POMK: variants seen among roughly 807,000 people sequenced by gnomAD.
POMK encodes protein O-mannose kinase, also known as Sugen kinase 196.
A neutral mutation model predicts 23.0 loss-of-function variants in POMK; 19 were observed. The ratio of observed to expected loss-of-function variants is 0.83; its 90% confidence interval spans 0.58 to 1.21. The LOEUF is 1.21. Ranked by LOEUF, POMK falls within the 50% of genes most tolerant of loss-of-function variation. The pLI, the probability that POMK is intolerant of heterozygous loss-of-function variation, is 0.00. For synonymous variants in POMK, 173 were observed against 171.6 expected, an observed-to-expected ratio of 1.01 and a Z score of -0.06; for missense variants, 410 against 431.3, an observed-to-expected ratio of 0.95 and a Z score of 0.44.
intron 4 of POMK, among the ~76,000 whole-genome samples, chr8:43,119,365 T>C (rs1406902050): frequency 6.6e-6 from 1 of 151,830 alleles, no homozygotes. Context: ...ACTTTTAGAA[T>C]GTGGTCTTAT....
intron 4 of POMK, among the ~76,000 whole-genome samples, chr8:43,109,638 G>C (rs1254302402): frequency 2.6e-5 from 4 of 152,024 alleles, no homozygotes; most frequent in African/African-American, 9.7e-5. Context: ...CATCTCCTGG[G>C]TTCAAGTGAT....
rs1051939475 is a variant in POMK at position 43,118,827 on chromosome 8, G to A, written c.283-3280G>A. ...CTGTTTTTTTTGTTGTTGTTGTTAC[G>A]GAGTCTCGCTCTGTTGCCCAGGCTG... On this transcript the variant is annotated intron_variant, in intron 4 of 4. Coordinates refer to ENST00000331373, the MANE Select transcript of POMK (RefSeq NM_032237.5). Among the ~76,000 whole-genome samples the A allele has an allele frequency of 5.3e-5, 8 of 152,042 alleles. No homozygotes were observed. The East Asian group carries it at 5.8e-4, about 11-fold the overall frequency.
chr8:43,121,143 T>C (rs1215186733), intron 4 of POMK, among the ~76,000 whole-genome samples: 1 of 152,228 alleles, frequency 6.6e-6, no homozygotes, highest in Non-Finnish European at 1.5e-5. Flanking sequence ...GATTTAGATG[T>C]TAGAGTCTCT....
intron 2 of POMK, among the ~76,000 whole-genome samples, chr8:43,101,433 A>AG (rs1563336300): frequency 6.6e-6 from 1 of 151,706 alleles, no homozygotes; most frequent in African/African-American, 2.4e-5. Context: ...AAAAAAAAAA[A>AG]AAAAGGAAGA....
At chr8:43,118,295 A>C (rs961285415) in intron 4 of POMK, among the ~76,000 whole-genome samples, 1 of 152,220 alleles carries the variant, frequency 6.6e-6, no homozygotes, top group African/African-American at 2.4e-5. Context: ...TAAATGAAAA[A>C]AGAGCTGCAA....
At chr8:43,115,068 T>G (rs1437413840) in intron 4 of POMK, among the ~76,000 whole-genome samples, 1 of 152,246 alleles carries the variant, frequency 6.6e-6, no homozygotes, top group Non-Finnish European at 1.5e-5. Flanking sequence ...ATTTTGTAGC[T>G]CTCATTTTGT....
intron 4 of POMK, among the ~76,000 whole-genome samples, chr8:43,115,333 G>A (rs567132033): frequency 6.6e-6 from 1 of 152,244 alleles, no homozygotes; most frequent in South Asian, 2.1e-4. Context: ...CTTCCCTGAA[G>A]TTTTCTATAC....
At chr8:43,100,660 G>A (rs1195914130) in intron 2 of POMK, among the ~76,000 whole-genome samples, 3 of 152,000 alleles carry the variant, frequency 2.0e-5, no homozygotes. Flanking sequence ...TGGGTAGTTG[G>A]AGCCCAGTGC....
In POMK at chr8:43,103,845, A is replaced by G; in HGVS notation, c.282+15A>G. The stretch of plus-strand genomic sequence containing the variant: ...CTGTAAAGAGAGTGAGTCCGGGTTC[A>G]TTTGCGATTGCTGTCATCCTGTTAT... On this transcript the variant is annotated intron_variant, in intron 4 of 4. Coordinates refer to ENST00000331373, the MANE Select transcript of POMK (RefSeq NM_032237.5). 1.2e-6 allele frequency: 2 copies of G among 1,612,650 alleles called. No homozygotes were observed. The highest frequency in any genetic ancestry group is 1.7e-6 in the Non-Finnish European group (2 of 1,178,822).
At position 43,102,225 on chromosome 8, in the gene POMK, C is replaced by T. The variant is rs76831112; in HGVS notation, c.-117-280C>T. On this transcript the variant is annotated intron_variant, in intron 2 of 4. Coordinates refer to ENST00000331373, the MANE Select transcript of POMK (RefSeq NM_032237.5). Reference sequence around the variant, plus strand: ...CACTGTGTGTGAATGTCTCCAGCACCCACTGCAGGGCTGGGCACATAGAAG... The same window carrying T: ...CACTGTGTGTGAATGTCTCCAGCACTCACTGCAGGGCTGGGCACATAGAAG... Among the ~76,000 whole-genome samples the T allele has an allele frequency of 1.7e-3, 262 of 152,324 alleles. 5 individuals are homozygous for T. The East Asian group carries it at 0.025, about 14-fold the overall frequency.
intron 4 of POMK, among the ~76,000 whole-genome samples, chr8:43,120,047 A>G (rs902047947): frequency 8.1e-5 from 12 of 148,728 alleles, no homozygotes; most frequent in African/African-American, 3.1e-4. Context: ...AAATACCAAA[A>G]GATATGAAGG....
intron 4 of POMK, among the ~76,000 whole-genome samples, chr8:43,109,579 G>C (rs945995124): frequency 1.3e-5 from 2 of 151,348 alleles, no homozygotes; most frequent in Admixed American, 6.6e-5. Flanking sequence ...GTCTCTCTCT[G>C]TTGCCCAGGC....
chr8:43,123,165 T>G lies in POMK; in HGVS notation c.*288T>G, dbSNP rs1234719994. The G allele has an allele frequency of 3.7e-6, 1 of 269,816 alleles. No homozygotes were observed. Among genetic ancestry groups the G allele is most frequent in the East Asian group, 7.8e-5 (1 of 12,862 alleles). 16.7% of individuals were successfully genotyped at this position (269,816 alleles called of 1,614,324 possible). On this transcript the variant is annotated 3_prime_UTR_variant, in exon 5 of 5. Transcript: ENST00000331373. ...TCTGCCTCCCAGGTTCAAGCAATTC[T>G]CCCACCTCAGCCTCCTGAGTAGCTG...
chr8:43,111,420 T>C (rs1210488874), intron 4 of POMK, among the ~76,000 whole-genome samples: 6 of 152,174 alleles, frequency 3.9e-5, no homozygotes, highest in African/African-American at 1.4e-4. Context: ...ACAAAGCAGC[T>C]GGGAAGCTCA....
chr8:43,095,804 C>G (rs985992600), intron 1 of POMK, among the ~76,000 whole-genome samples: 5 of 152,208 alleles, frequency 3.3e-5, no homozygotes, highest in African/African-American at 1.2e-4. Flanking sequence ...GTATAAGCTT[C>G]AGGCCCCATA....
At chr8:43,117,850 T>A (rs1424777052) in intron 4 of POMK, among the ~76,000 whole-genome samples, 1 of 152,204 alleles carries the variant, frequency 6.6e-6, no homozygotes, top group Non-Finnish European at 1.5e-5. Flanking sequence ...GCACAGACTT[T>A]GGAGGGTAAT....
chr8:43,110,488 T>C (rs1196555540), intron 4 of POMK, among the ~76,000 whole-genome samples: 1 of 152,280 alleles, frequency 6.6e-6, no homozygotes. Flanking sequence ...ATAAATTGCC[T>C]TTTCATGAAT....
chr8:43,114,160 A>T (rs1430540614), intron 4 of POMK, among the ~76,000 whole-genome samples: 20 of 152,336 alleles, frequency 1.3e-4, no homozygotes, highest in South Asian at 2.1e-4. Flanking sequence ...GGGACATTTA[A>T]GTCTGCAGAG....
chr8:43,113,701 T>G (rs1811731299), intron 4 of POMK, among the ~76,000 whole-genome samples: 1 of 152,244 alleles, frequency 6.6e-6, no homozygotes, highest in Admixed American at 6.5e-5. Flanking sequence ...TTTTAGAGTT[T>G]CCAGTTTTTC....
Sources: allele counts gnomAD v4.1 joint callset (sites outside exome capture counted in the v4.1 genomes callset), GRCh38; gene constraint gnomAD v4.1.1; transcripts MANE v1.5; gene names NCBI Gene and HGNC (gene_info 2026-07-23, HGNC 2026-07-21).